PSD3: variants seen among roughly 807,000 people sequenced by gnomAD.
PSD3 encodes PH and SEC7 domain-containing protein 3.
In PSD3, 49 loss-of-function variants were observed where a neutral mutation model predicts 105.5. The observed-to-expected ratio is 0.46, with a 90% CI of 0.37 to 0.59. PSD3 has a LOEUF of 0.59. Among genes scored for constraint, PSD3 ranks in the 20% least tolerant of loss-of-function variants. The pLI, the probability that PSD3 is intolerant of heterozygous loss-of-function variation, is 0.00. For synonymous variants in PSD3, 557 were observed against 457.8 expected, an observed-to-expected ratio of 1.22 and a Z score of -2.77; for missense variants, 1,561 against 1,263.8, an observed-to-expected ratio of 1.24 and a Z score of -3.57.
At chr8:19,018,001 C>G (rs1330578670), upstream of PSD3, among the ~76,000 whole-genome samples, 2 of 152,178 alleles carry the variant, frequency 1.3e-5, no homozygotes, top group Non-Finnish European at 2.9e-5. Context: ...CCGCACCACT[C>G]TACATTCCTA....
chr8:18,941,782 C>T (rs192786418), intron 1 of PSD3, among the ~76,000 whole-genome samples: 171 of 149,836 alleles, frequency 1.1e-3, no homozygotes, highest in Middle Eastern at 0.011. Context: ...AAGTGATTCT[C>T]CTGCCTCAGC....
intron 12 of PSD3, among the ~76,000 whole-genome samples, chr8:18,577,160 T>C (rs1215229749): frequency 6.6e-6 from 1 of 151,990 alleles, no homozygotes; most frequent in Non-Finnish European, 1.5e-5. Context: ...TTTTTATCTC[T>C]TCTTTAATCT....
chr8:18,944,701 C>G (rs1479932142), intron 1 of PSD3, among the ~76,000 whole-genome samples: 1 of 152,128 alleles, frequency 6.6e-6, no homozygotes, highest in African/African-American at 2.4e-5. Flanking sequence ...ATGTAAATAT[C>G]TTGTTTCACA....
chr8:18,966,273 CAG>C (rs373825914), intron 1 of PSD3, among the ~76,000 whole-genome samples: 60 of 152,208 alleles, frequency 3.9e-4, no homozygotes, highest in African/African-American at 1.4e-3. Flanking sequence ...GGCTGTCAAA[CAG>C]AGTCATTTTT....
At chr8:18,786,029 G>A (rs1045629164) in intron 8 of PSD3, among the ~76,000 whole-genome samples, 1 of 152,134 alleles carries the variant, frequency 6.6e-6, no homozygotes, top group African/African-American at 2.4e-5. Context: ...TAAAGCAAAG[G>A]ACAATAAAAT....
At chr8:19,056,976 T>A (rs17127729) in intron 1 of PSD3, among the ~76,000 whole-genome samples, 44,408 of 151,964 alleles carry the variant, frequency 0.29, 7,676 homozygotes, top group East Asian at 0.59. Context: ...GATAAGGGTA[T>A]GAACTTTCAT....
At chr8:19,071,069 G>T (rs556201771) in intron 1 of PSD3, among the ~76,000 whole-genome samples, 4 of 151,336 alleles carry the variant, frequency 2.6e-5, no homozygotes, top group East Asian at 1.9e-4. Context: ...TTTTTGGAAG[G>T]GGGTAGGGGG....
chr8:18,600,187 A>T (rs1026710598), intron 12 of PSD3, among the ~76,000 whole-genome samples, 177 bp downstream of exon 12: 2 of 152,336 alleles, frequency 1.3e-5, no homozygotes, highest in Non-Finnish European at 2.9e-5. Flanking sequence ...AACAGCATGC[A>T]ACTTAAAACT....
chr8:18,842,706 C>A (rs1814735872), intron 4 of PSD3, among the ~76,000 whole-genome samples: 1 of 151,292 alleles, frequency 6.6e-6, no homozygotes, highest in Admixed American at 6.6e-5. Flanking sequence ...GCACTCCAGC[C>A]TGGGCGACAA....
intron 9 of PSD3, among the ~76,000 whole-genome samples, chr8:18,689,612 A>T (rs912024692): frequency 6.6e-6 from 1 of 152,184 alleles, no homozygotes; most frequent in Non-Finnish European, 1.5e-5. Flanking sequence ...ACACTCAGTT[A>T]ATTCAAAAGG....
intron 9 of PSD3, among the ~76,000 whole-genome samples, chr8:18,752,539 A>T (rs11984463): frequency 0.15 from 6,074 of 40,328 alleles, 341 homozygotes; most frequent in East Asian, 0.45. Flanking sequence ...ATTATATATT[A>T]TATATATTAT....
chr8:18,566,975 C>T (rs1801813344), intron 14 of PSD3, among the ~76,000 whole-genome samples: 1 of 152,136 alleles, frequency 6.6e-6, no homozygotes, highest in African/African-American at 2.4e-5. Context: ...TTTTCACGTA[C>T]ATATCACTTA....
chr8:18,697,211 C>A (rs145061794), intron 9 of PSD3, among the ~76,000 whole-genome samples: 7 of 152,288 alleles, frequency 4.6e-5, no homozygotes, highest in African/African-American at 1.7e-4. Context: ...TCAATTTGGA[C>A]TAGCCAGGTA....
intron 2 of PSD3, among the ~76,000 whole-genome samples, chr8:18,878,568 C>T (rs1817885054): frequency 1.3e-5 from 2 of 152,190 alleles, no homozygotes; most frequent in South Asian, 4.1e-4. Context: ...AATGCATAGA[C>T]ATACACACGC....
At chr8:18,845,645 T>A (rs371361955) in intron 4 of PSD3, among the ~76,000 whole-genome samples, 3 of 152,010 alleles carry the variant, frequency 2.0e-5, no homozygotes, top group African/African-American at 7.3e-5. Context: ...CAATTAGAAA[T>A]AGCAGAAGAG....
At chr8:18,964,481 CT>C in intron 1 of PSD3, among the ~76,000 whole-genome samples, 1 of 151,990 alleles carries the variant, frequency 6.6e-6, no homozygotes, top group Middle Eastern at 3.4e-3. Context: ...TTGCACAAAA[CT>C]AATGCTTTAC....
At chr8:18,846,947 A>ACCCCAGG (rs1815139397) in intron 4 of PSD3, among the ~76,000 whole-genome samples, 1 of 151,856 alleles carries the variant, frequency 6.6e-6, no homozygotes, top group Non-Finnish European at 1.5e-5. Context: ...TACCAGGAAA[A>ACCCCAGG]CCCCAGGCCC....
chr8:18,908,896 T>C (rs1268099583), intron 2 of PSD3, among the ~76,000 whole-genome samples: 2 of 152,174 alleles, frequency 1.3e-5, no homozygotes, highest in South Asian at 2.1e-4. Context: ...ATCAAAACTA[T>C]ACAAATCTCA....
At chr8:18,614,340 T>TCCCCC (rs150517140) in intron 11 of PSD3, among the ~76,000 whole-genome samples, 23 of 93,592 alleles carry the variant, frequency 2.5e-4, no homozygotes, top group African/African-American at 6.9e-4. Flanking sequence ...TTCTCCCCCA[T>TCCCCC]CCCCCCCCCA....
Sources: allele counts gnomAD v4.1 joint callset (sites outside exome capture counted in the v4.1 genomes callset), GRCh38; gene constraint gnomAD v4.1.1; transcripts MANE v1.5; gene names NCBI Gene and HGNC (gene_info 2026-07-23, HGNC 2026-07-21).